The following FRMPD4 variants were observed in gnomAD, a reference collection of about 807,000 sequenced individuals.
FRMPD4 encodes FERM and PDZ domain containing 4.
In FRMPD4, 22 loss-of-function variants were observed where a neutral mutation model predicts 94.1. The observed-to-expected ratio is 0.23, with a 90% CI of 0.17 to 0.33. FRMPD4 has a LOEUF of 0.33. Ranked by LOEUF, FRMPD4 falls within the 10% of genes least tolerant of loss-of-function variation. FRMPD4 has a pLI of 1.00. For missense variants in FRMPD4, 1,111 were observed against 1,339.9 expected, an observed-to-expected ratio of 0.83 and a Z score of 2.67; for synonymous variants, 631 against 548.6, an observed-to-expected ratio of 1.15 and a Z score of -2.10.
At chrX:12,267,816 C>A (rs1422686433) in intron 1 of FRMPD4, among the ~76,000 whole-genome samples, 2 of 112,602 alleles carry the variant, frequency 1.8e-5, no homozygotes, top group African/African-American at 3.2e-5. Flanking sequence ...TAGGAATCTA[C>A]CAGGAATATC....
intron 1 of FRMPD4, among the ~76,000 whole-genome samples, chrX:12,442,010 G>T (rs895293713): frequency 9.0e-6 from 1 of 111,686 alleles, no homozygotes; most frequent in African/African-American, 3.2e-5. Flanking sequence ...GCTTTCTAGA[G>T]CAGAACTTCC....
intron 1 of FRMPD4, among the ~76,000 whole-genome samples, chrX:12,458,906 T>C (rs1461514420): frequency 1.8e-5 from 2 of 111,332 alleles, no homozygotes; most frequent in African/African-American, 6.6e-5. Flanking sequence ...GTTTTATAGA[T>C]AGATACTCTA....
At chrX:11,828,179 G>A (rs1348402022) in intron 1 of FRMPD4, among the ~76,000 whole-genome samples, 1 of 111,988 alleles carries the variant, frequency 8.9e-6, no homozygotes, top group Non-Finnish European at 1.9e-5. Context: ...CTAGTTGTAA[G>A]GAAGGCTAGA....
chrX:12,558,777 A>G (rs1007163269), intron 2 of FRMPD4, among the ~76,000 whole-genome samples: 2 of 111,830 alleles, frequency 1.8e-5, no homozygotes, highest in Non-Finnish European at 3.8e-5. Flanking sequence ...GGGCAGGCCT[A>G]TATTTCCAGC....
intron 2 of FRMPD4, among the ~76,000 whole-genome samples, chrX:12,580,547 A>C (rs1341262818): frequency 8.9e-5 from 10 of 112,366 alleles, no homozygotes. Flanking sequence ...AACATACTAT[A>C]ATAAAATTAT....
At chrX:11,934,888 A>T (rs773846461) in intron 3 of FRMPD4, among the ~76,000 whole-genome samples, 2 of 111,585 alleles carry the variant, frequency 1.8e-5, no homozygotes, top group South Asian at 7.4e-4. Context: ...GTTTAATTTA[A>T]TTTGTTTGTA....
intron 3 of FRMPD4, among the ~76,000 whole-genome samples, chrX:11,954,918 A>G (rs2147368339): frequency 9.0e-6 from 1 of 111,153 alleles, no homozygotes; most frequent in Non-Finnish European, 1.9e-5. Context: ...AAAACCAGTG[A>G]CAACAATAAC....
chrX:12,564,076 A>G (rs906918600), intron 2 of FRMPD4, among the ~76,000 whole-genome samples: 6 of 111,809 alleles, frequency 5.4e-5, no homozygotes, highest in Non-Finnish European at 1.1e-4. Context: ...CCATCTTCTC[A>G]TTGTATCCTC....
intron 1 of FRMPD4, among the ~76,000 whole-genome samples, chrX:12,477,976 G>A (rs2057624759): frequency 8.9e-6 from 1 of 111,834 alleles, no homozygotes; most frequent in African/African-American, 3.3e-5. Flanking sequence ...GGAACCCCAT[G>A]AAAAATTGGA....
At chrX:12,238,147 G>A (rs2057091063) in intron 1 of FRMPD4, among the ~76,000 whole-genome samples, 1 of 111,127 alleles carries the variant, frequency 9.0e-6, no homozygotes, top group African/African-American at 3.3e-5. Flanking sequence ...TTGTTGAGAT[G>A]CAGTTTCGCT....
At chrX:12,250,072 T>TTGTGTGTGTGTG (rs72178576) in intron 1 of FRMPD4, among the ~76,000 whole-genome samples, 1 of 91,454 alleles carries the variant, frequency 1.1e-5, no homozygotes, top group South Asian at 5.5e-4. Context: ...GTTTGTGTGT[T>TTGTGTGTGTGTG]TGTGTGTGTG....
At chrX:11,857,226 C>A (rs777908947) in intron 1 of FRMPD4, among the ~76,000 whole-genome samples, 10 of 111,318 alleles carry the variant, frequency 9.0e-5, no homozygotes, top group Non-Finnish European at 1.9e-4. Context: ...TCATATAGAA[C>A]CAAAAAGGAG....
At chrX:12,167,979 G>A (rs780145262) in intron 1 of FRMPD4, among the ~76,000 whole-genome samples, 1 of 110,758 alleles carries the variant, frequency 9.0e-6, no homozygotes, top group Non-Finnish European at 1.9e-5. Context: ...GTTTGAAAAT[G>A]TCTGGTGACA....
intron 1 of FRMPD4, among the ~76,000 whole-genome samples, chrX:12,471,978 C>T (rs1253867583): frequency 8.9e-6 from 1 of 112,345 alleles, no homozygotes; most frequent in East Asian, 2.8e-4. Flanking sequence ...TACTGCTGAA[C>T]CCTAGTGCAC....
At chrX:12,550,821 TTC>T (rs72444962) in intron 2 of FRMPD4, among the ~76,000 whole-genome samples, 8,438 of 74,306 alleles carry the variant, frequency 0.11, 814 homozygotes, top group African/African-American at 0.37. Flanking sequence ...TGTACTTACT[TTC>T]TCTTTTAGAG....
chrX:12,682,499 T>G (rs749954579), intron 5 of FRMPD4, among the ~76,000 whole-genome samples: 1 of 112,678 alleles, frequency 8.9e-6, no homozygotes, highest in African/African-American at 3.2e-5. Flanking sequence ...AAAATAACAA[T>G]TATATGATTC....
intron 3 of FRMPD4, among the ~76,000 whole-genome samples, chrX:12,058,868 A>T (rs1273138679): frequency 2.7e-5 from 3 of 110,390 alleles, no homozygotes; most frequent in Admixed American, 1.9e-4. Context: ...GAGGCCAGGG[A>T]TGCTGCTAAA....
chrX:12,211,345 C>T (rs1218266037), intron 1 of FRMPD4, among the ~76,000 whole-genome samples: 1 of 112,123 alleles, frequency 8.9e-6, no homozygotes, highest in Non-Finnish European at 1.9e-5. Flanking sequence ...TTCTCTCCTC[C>T]TTTTTACTCC....
chrX:12,375,683 C>T (rs1052802289), intron 1 of FRMPD4, among the ~76,000 whole-genome samples: 1 of 112,281 alleles, frequency 8.9e-6, no homozygotes, highest in Non-Finnish European at 1.9e-5. Context: ...AAGTCTCTTG[C>T]GATCCAACAA....
Sources: gnomAD v4.1 joint callset for allele counts (sites outside exome capture counted in the v4.1 genomes callset) on GRCh38, gnomAD v4.1.1 for gene constraint, MANE v1.5 for transcripts, NCBI Gene and HGNC (gene_info 2026-07-23, HGNC 2026-07-21) for gene names.